Variants in GLDN observed in about 807,000 individuals in gnomAD.
GLDN encodes the protein gliomedin.
In GLDN, 47 loss-of-function variants were observed where a neutral mutation model predicts 56.5. That is an observed-to-expected ratio of 0.83 (90% CI 0.66 to 1.06). GLDN has a LOEUF of 1.06. Among genes scored for constraint, GLDN ranks in the 50% least tolerant of loss-of-function variants. The pLI is 0.00. For missense variants in GLDN, 782 were observed against 714.3 expected, an observed-to-expected ratio of 1.09 and a Z score of -1.08; for synonymous variants, 332 against 278.8, an observed-to-expected ratio of 1.19 and a Z score of -1.90.
rs758517964 is a variant in GLDN at position 51,383,448 on chromosome 15, C to T, written c.428C>T (p.Pro143Leu). Residue 143 changes from proline to leucine, a missense_variant, in exon 3 of 10, where the codon CCA becomes CTA. Physicochemically the swap from Pro to Leu is moderately conservative, Grantham distance 98 (BLOSUM62 -3). Transcript: ENST00000335449. ...KGICLTGPSG[P>L]PGPPGAGGLP... ...TTTTCCGTTGTAGGACCTTCTGGAC[C>T]ACCAGGTAAGAGCCCATGGATTTTC... 4 of 1,613,856 alleles carry T rather than the reference C, an allele frequency of 2.5e-6. No homozygotes were observed. Among genetic ancestry groups the T allele is most frequent in the Non-Finnish European group, 3.4e-6 (4 of 1,179,948 alleles).
intron 1 of GLDN, among the ~76,000 whole-genome samples, chr15:51,361,929 T>C (rs1398932044): frequency 6.6e-6 from 1 of 151,880 alleles, no homozygotes; most frequent in Non-Finnish European, 1.5e-5. Context: ...AGACTCCATC[T>C]AAAAAACAAA....
At chr15:51,395,481 A>G (rs2141122719) in intron 5 of GLDN, among the ~76,000 whole-genome samples, 1 of 152,280 alleles carries the variant, frequency 6.6e-6, no homozygotes, top group Non-Finnish European at 1.5e-5. Flanking sequence ...GCCAAAGAAG[A>G]GACCCAGGGC....
At chr15:51,386,830 C>T (rs986580281) in intron 4 of GLDN, among the ~76,000 whole-genome samples, 6 of 152,078 alleles carry the variant, frequency 3.9e-5, no homozygotes, top group African/African-American at 1.4e-4. Context: ...CTGTCATGCT[C>T]GACTGGATGG....
intron 1 of GLDN, among the ~76,000 whole-genome samples, chr15:51,343,332 T>A (rs28485857): frequency 6.6e-6 from 1 of 150,462 alleles, no homozygotes; most frequent in Non-Finnish European, 1.5e-5. Flanking sequence ...AAGCAGAAGT[T>A]TCAAAAAAGG....
At chr15:51,353,734 A>AAAAAAAAAAAAAAAAAAAAAAAAAAAC (rs60404846) in intron 1 of GLDN, among the ~76,000 whole-genome samples, 2 of 128,860 alleles carry the variant, frequency 1.6e-5, no homozygotes, top group Non-Finnish European at 3.2e-5. Flanking sequence ...AAAAAAAAAA[A>AAAAAAAAAAAAAAAAAAAAAAAAAAAC]CCACAGTCAA....
rs1566950959 is a variant in GLDN, at chr15:51,397,510, CCCAGGCCCT to C, written c.735_743del (p.Pro252_Gly254del). The C allele has an allele frequency of 6.3e-7, 1 of 1,591,284 alleles. No homozygotes were observed. The highest frequency in any genetic ancestry group is 8.6e-7 in the Non-Finnish European group (1 of 1,167,646). ...AAGGCCCACCCGGTCCACCTGGGCC[CCCAGGCCCT>C]CCAGGTCCTCCAGGGCCCCCTGGAA... On this transcript the variant is annotated inframe_deletion, in exon 6 of 10. Transcript: ENST00000335449.
Position 51,392,642 on chromosome 15 carries a change from CA to C in GLDN, c.542-2188del, listed in dbSNP as rs1400378263. Among the ~76,000 whole-genome samples the C allele has an allele frequency of 2.0e-5, 3 of 152,166 alleles. No homozygotes were observed. The East Asian group carries it at 5.8e-4, about 29-fold the overall frequency. On this transcript the variant is annotated intron_variant, in intron 4 of 9. Coordinates refer to ENST00000335449, the MANE Select transcript of GLDN (RefSeq NM_181789.4). ...CTTCCACAAAACTAGTCCCTGGTGCCAAAAAGGTTGGGAACCACTGTTTTAG... is the reference window on the plus strand; with the variant it reads ...CTTCCACAAAACTAGTCCCTGGTGCCAAAAGGTTGGGAACCACTGTTTTAG...
chr15:51,369,756 A>G (rs1344234836), intron 1 of GLDN, among the ~76,000 whole-genome samples: 2 of 152,244 alleles, frequency 1.3e-5, no homozygotes, highest in African/African-American at 4.8e-5. Context: ...TCCTGTTTAT[A>G]TGAAAAGTAC....
At chr15:51,367,963 G>A (rs895642335) in intron 1 of GLDN, among the ~76,000 whole-genome samples, 1 of 152,124 alleles carries the variant, frequency 6.6e-6, no homozygotes, top group South Asian at 2.1e-4. Context: ...GATAATCCTA[G>A]CATCTCCAAG....
At position 51,342,301 on chromosome 15, in the gene GLDN, T is replaced by C. The variant is rs191330912; in HGVS notation, c.363+254T>C. ...CTCTGACATTCTTTGAGTCCACATG[T>C]AAACGAAGGGCGAAGGCAGTGTTTC... On this transcript the variant is annotated intron_variant, in intron 1 of 9. Coordinates refer to ENST00000335449, the MANE Select transcript of GLDN (RefSeq NM_181789.4). 1.8e-4 allele frequency among the ~76,000 whole-genome samples: 28 copies of C among 152,364 alleles called. 1 individual carries two copies. In the East Asian group the frequency reaches 5.0e-3, roughly 27 times the overall value.
Position 51,404,647 on chromosome 15 carries a change from C to T in GLDN, c.1549C>T (p.Leu517Phe). ...NFDLRTSQSV[L>F]AMLAYNMRDQ... ...TGATTTAAGAACTTCCCAGTCTGTT[C>T]TTGCCATGTTAGCATACAACATGAG... is the stretch of plus-strand genomic sequence containing the variant. Residue 517 changes from leucine to phenylalanine, a missense_variant, in exon 10 of 10, where the codon CTT becomes TTT. Transcript: ENST00000335449. 1 of 1,613,280 alleles carries T rather than the reference C, an allele frequency of 6.2e-7. No individual in the cohort carries two copies. Among genetic ancestry groups the T allele is most frequent in the Non-Finnish European group, 8.5e-7 (1 of 1,179,212 alleles).
At chr15:51,413,270 T>TG in the GLDN span, among the ~76,000 whole-genome samples, 4 of 152,206 alleles carry the variant, frequency 2.6e-5, no homozygotes, top group Non-Finnish European at 4.4e-5. Flanking sequence ...TGGAGCAAGA[T>TG]GGTGAAAGAA....
chr15:51,342,455 G>C lies in GLDN; in HGVS notation c.363+408G>C, dbSNP rs2036904217. ...GGGCCCTCTGAGAGGATGGAGGCGC[G>C]TTTCTGAAAGAGCGTAGGCTTTTTC... is the stretch of plus-strand genomic sequence containing the variant. On this transcript the variant is annotated intron_variant, in intron 1 of 9. Coordinates refer to ENST00000335449, the MANE Select transcript of GLDN (RefSeq NM_181789.4). Among the ~76,000 whole-genome samples the C allele has an allele frequency of 2.0e-5, 3 of 152,200 alleles. No homozygotes were observed. The South Asian group carries it at 6.2e-4, about 31-fold the overall frequency.
At chr15:51,344,185 C>T (rs906796086) in intron 1 of GLDN, among the ~76,000 whole-genome samples, 3 of 152,154 alleles carry the variant, frequency 2.0e-5, no homozygotes, top group Admixed American at 2.0e-4. Context: ...TTCAAACTTA[C>T]TGATGCCTGA....
At chr15:51,408,829 G>A (rs1413569394), downstream of GLDN, among the ~76,000 whole-genome samples, 1 of 151,914 alleles carries the variant, frequency 6.6e-6, no homozygotes, top group East Asian at 1.9e-4. Context: ...ATGGTTTCCA[G>A]CTTCATCCAT....
chr15:51,342,807 C>T (rs976289396), intron 1 of GLDN, among the ~76,000 whole-genome samples: 2 of 152,168 alleles, frequency 1.3e-5, no homozygotes, highest in African/African-American at 2.4e-5. Context: ...TGCCTGTGCC[C>T]TCCTGCCCAT....
intron 1 of GLDN, among the ~76,000 whole-genome samples, chr15:51,364,987 A>G (rs1016175212): frequency 6.6e-6 from 1 of 152,250 alleles, no homozygotes; most frequent in Non-Finnish European, 1.5e-5. Context: ...CAGTCAAATA[A>G]GAATTCAAAG....
intron 3 of GLDN, 148 bp downstream of exon 3, chr15:51,383,601 C>G (rs925145383): frequency 9.4e-7 from 1 of 1,059,942 alleles, no homozygotes. Context: ...ACCTGAGGCT[C>G]TGCCATCACC....
At chr15:51,366,308 A>T (rs944247957) in intron 1 of GLDN, among the ~76,000 whole-genome samples, 4 of 152,212 alleles carry the variant, frequency 2.6e-5, no homozygotes, top group African/African-American at 9.7e-5. Flanking sequence ...GGCAGCTACC[A>T]TCTAACCAGG....
Sources: gnomAD v4.1 joint callset for allele counts (sites outside exome capture counted in the v4.1 genomes callset) on GRCh38, gnomAD v4.1.1 for gene constraint, MANE v1.5 for transcripts, NCBI Gene and HGNC (gene_info 2026-07-23, HGNC 2026-07-21) for gene names.